RALGDS: variants seen among roughly 807,000 people sequenced by gnomAD.
RALGDS encodes the protein ral guanine nucleotide dissociation stimulator.
In RALGDS, 44 loss-of-function variants were observed where a neutral mutation model predicts 99.8. The ratio of observed to expected loss-of-function variants is 0.44; its 90% CI spans 0.35 to 0.57. The LOEUF (loss-of-function observed/expected upper bound fraction) is 0.57, where lower values mean the gene tolerates loss of function less well. RALGDS is among the 20% of genes least tolerant of loss of function. RALGDS has a pLI of 0.01. For missense variants in RALGDS, 1,022 were observed against 1,203.1 expected (o/e 0.85, Z 2.23); for synonymous variants, 529 against 505.0 (o/e 1.05, Z -0.64).
In RALGDS at chr9:133,102,865, C is replaced by A; in HGVS notation, c.1827G>T (p.Gln609His). ...CGATGCTGTAGTTGTTGCAGGCCGA[C>A]TGCAGCAGCTTGATCTGGGCGATCA... is the stretch of plus-strand genomic sequence containing the variant. ...FEVIAQIKLL[Q>H]SACNNYSIAP... The change falls in exon 13 of 18, where the codon CAG becomes CAT. Residue 609 changes from glutamine (Q) to histidine (H), a missense_variant. Coordinates refer to ENST00000372050, the MANE Select transcript of RALGDS (RefSeq NM_006266.4). The A allele has an allele frequency of 6.2e-7, 1 of 1,613,660 alleles. No individual in the cohort carries two copies. Among genetic ancestry groups the A allele is most frequent in the Non-Finnish European group, 8.5e-7 (1 of 1,179,994 alleles).
chr9:133,116,799 C>T (rs1326328988), intron 1 of RALGDS, among the ~76,000 whole-genome samples: 1 of 152,256 alleles, frequency 6.6e-6, no homozygotes, highest in South Asian at 2.1e-4. Flanking sequence ...GGAGCCAGGA[C>T]GTGGCAGCCA....
intron 9 of RALGDS, 27 bp downstream of exon 9, chr9:133,105,905 C>CT (rs1831027928): frequency 1.2e-6 from 1 of 837,426 alleles, no homozygotes; most frequent in African/African-American, 2.2e-5. Context: ...CCGCCCCAGC[C>CT]CCCGCCCCAG....
chr9:133,107,319 G>A lies in RALGDS; in HGVS notation c.1198-19C>T. The stretch of plus-strand genomic sequence containing the variant: ...ACAGTTCCTGGGGAGGAGGCTAAAT[G>A]TCACCTGGTCCTGCCCCAGCAGTCT... On this transcript the variant is annotated intron_variant, in intron 6 of 17. Transcript: ENST00000372050. 5 of 1,596,168 alleles carry A rather than the reference G, an allele frequency of 3.1e-6. No individual in the cohort carries two copies. The highest frequency in any genetic ancestry group is 4.3e-6 in the Non-Finnish European group (5 of 1,166,972).
At chr9:133,107,678 C>T (rs552351841) in intron 6 of RALGDS, among the ~76,000 whole-genome samples, 3 of 152,364 alleles carry the variant, frequency 2.0e-5, no homozygotes, top group African/African-American at 7.2e-5. Context: ...GCCTCCTGAA[C>T]AGATGGGGGT....
Position 133,144,855 on chromosome 9 carries a change from T to C in RALGDS, c.18+4108A>G, listed in dbSNP as rs974637732. On this transcript the variant is annotated intron_variant, in intron 1 of 17. Transcript: ENST00000393160. The surrounding 1 kb of genome is among the most constrained non-coding windows in gnomAD (Gnocchi z 4.5). ...AATGAGATCTTATTTGGAAATAGGG[T>C]CTGTGCGGATAGAATCCGGATGAGG... Among the ~76,000 whole-genome samples, 1 of 152,168 alleles carries C rather than the reference T, an allele frequency of 6.6e-6. No homozygotes were observed. Among genetic ancestry groups the C allele is most frequent in the Non-Finnish European group, 1.5e-5 (1 of 68,028 alleles).
chr9:133,105,522 G>A (rs1055556103), intron 9 of RALGDS, among the ~76,000 whole-genome samples: 2 of 152,136 alleles, frequency 1.3e-5, no homozygotes, highest in Non-Finnish European at 2.9e-5. Context: ...CTCCTTGGGT[G>A]TGTAGAGCAG....
At chr9:133,102,757 C>T (rs763725621) in intron 13 of RALGDS, 22 bp downstream of exon 13, 1 of 1,608,734 alleles carries the variant, frequency 6.2e-7, no homozygotes, top group Admixed American at 1.7e-5. Context: ...CCCACTGTCC[C>T]CATTTGCTGC....
intron 1 of RALGDS, among the ~76,000 whole-genome samples, chr9:133,113,807 C>A (rs1365850801): frequency 1.3e-5 from 2 of 152,240 alleles, no homozygotes; most frequent in Non-Finnish European, 2.9e-5. Flanking sequence ...GGGATTTTAG[C>A]CACATCTGGA....
At chr9:133,117,967 T>C (rs1286387795) in intron 1 of RALGDS, among the ~76,000 whole-genome samples, 1 of 152,206 alleles carries the variant, frequency 6.6e-6, no homozygotes, top group Admixed American at 6.5e-5. Context: ...AGACCCCAGC[T>C]CTGGCAACGA....
At chr9:133,116,723 G>A (rs1037241200) in intron 1 of RALGDS, among the ~76,000 whole-genome samples, 2 of 152,252 alleles carry the variant, frequency 1.3e-5, no homozygotes, top group Non-Finnish European at 2.9e-5. Context: ...CACCCATCAC[G>A]TTTAATCCTC....
At chr9:133,108,514 C>CGT in intron 5 of RALGDS, 108 bp from the exon 6 acceptor site, 1 of 1,425,256 alleles carries the variant, frequency 7.0e-7, no homozygotes, top group Non-Finnish European at 9.6e-7. Flanking sequence ...ACCCACAAAA[C>CGT]GTGTACCAGG....
chr9:133,106,798 T>A, intron 7 of RALGDS, 50 bp from the exon 8 acceptor site: 1 of 1,423,404 alleles, frequency 7.0e-7, no homozygotes, highest in Non-Finnish European at 9.8e-7. Flanking sequence ...GCTCCCAGCT[T>A]GCCTGGCCTC....
intron 1 of RALGDS, 68 bp downstream of exon 1, chr9:133,120,904 C>A: frequency 7.1e-7 from 1 of 1,402,068 alleles, no homozygotes. Flanking sequence ...TCGCCCCGAC[C>A]TGCCCAGCTC....
upstream of RALGDS, among the ~76,000 whole-genome samples, chr9:133,124,612 G>A (rs1037848770): frequency 2.0e-5 from 3 of 152,214 alleles, no homozygotes; most frequent in African/African-American, 7.2e-5. Flanking sequence ...CAGAAACACA[G>A]ATACACATGC....
At chr9:133,101,436 C>T (rs557107742) in intron 16 of RALGDS, 84 bp downstream of exon 16, 57 of 1,600,612 alleles carry the variant, frequency 3.6e-5, no homozygotes, top group Middle Eastern at 1.7e-4. Context: ...AGGTAGACCC[C>T]GGGAGGGCAG....
rs1334560494 is a variant in RALGDS, at chr9:133,119,102, G to A, written c.183+1870C>T. Among the ~76,000 whole-genome samples the A allele has an allele frequency of 2.6e-5, 4 of 152,246 alleles. 1 individual carries two copies. The South Asian group carries it at 6.2e-4, about 24-fold the overall frequency. On this transcript the variant is annotated intron_variant, in intron 1 of 17. Coordinates refer to ENST00000372050, the MANE Select transcript of RALGDS (RefSeq NM_006266.4). ...AATCGGGAAGATAAGCGGAAGCCCA[G>A]ATGTGAGGAGATCTGGCAGCCCAGA...
upstream of RALGDS, among the ~76,000 whole-genome samples, chr9:133,123,188 G>T (rs919115861): frequency 6.6e-6 from 1 of 152,092 alleles, no homozygotes; most frequent in Non-Finnish European, 1.5e-5. Flanking sequence ...TCGGCCCTAA[G>T]CTCCTCCTCC....
upstream of RALGDS, among the ~76,000 whole-genome samples, chr9:133,133,377 G>A (rs532406182): frequency 6.6e-6 from 1 of 152,314 alleles, no homozygotes; most frequent in African/African-American, 2.4e-5. Flanking sequence ...GCTGGCAGGA[G>A]GGGAGCAGCA....
chr9:133,105,727 TCAAACACCCAGGGGC>T (rs1830985460), intron 9 of RALGDS, among the ~76,000 whole-genome samples, 190 bp downstream of exon 9: 1 of 152,010 alleles, frequency 6.6e-6, no homozygotes, highest in African/African-American at 2.4e-5. Context: ...GCCCTGTCCC[TCAAACACCCAGGGGC>T]CAAACAGATC....
Sources: allele counts gnomAD v4.1 joint callset (sites outside exome capture counted in the v4.1 genomes callset), GRCh38; gene constraint gnomAD v4.1.1; non-coding constraint Gnocchi (gnomAD v3.1); transcripts MANE v1.5; gene names NCBI Gene and HGNC (gene_info 2026-07-23, HGNC 2026-07-21).